ALK: variants seen among roughly 807,000 people sequenced by gnomAD.
ALK encodes the protein ALK receptor tyrosine kinase.
A neutral mutation model predicts 163.1 loss-of-function variants in ALK; 74 were observed. The ratio of observed to expected loss-of-function variants is 0.45; its 90% confidence interval spans 0.38 to 0.55. The LOEUF (loss-of-function observed/expected upper bound fraction) is 0.55, where lower values mean the gene tolerates loss of function less well. Among genes scored for constraint, ALK ranks in the 20% least tolerant of loss-of-function variants. The pLI is 0.00. For missense variants in ALK, 2,063 were observed against 2,105.3 expected (o/e 0.98, Z 0.39); for synonymous variants, 960 against 843.2 (o/e 1.14, Z -2.40).
intron 1 of ALK, among the ~76,000 whole-genome samples, chr2:29,795,159 A>G (rs1212841708): frequency 6.6e-6 from 1 of 152,010 alleles, no homozygotes; most frequent in Non-Finnish European, 1.5e-5. Context: ...AAGGCTATGA[A>G]CATCAACAGA....
chr2:29,696,997 A>G (rs1449866288), intron 2 of ALK, among the ~76,000 whole-genome samples: 1 of 151,940 alleles, frequency 6.6e-6, no homozygotes, highest in Admixed American at 6.6e-5. Context: ...GGTGCAGCAA[A>G]CCACCATGGC....
In ALK at chr2:29,246,651, C is replaced by G. The variant is rs1181346161; in HGVS notation, c.2204+4454G>C. Among the ~76,000 whole-genome samples, 1 of 152,144 alleles carries G rather than the reference C, an allele frequency of 6.6e-6. No homozygotes were observed. Among genetic ancestry groups the G allele is most frequent in the African/African-American group, 2.4e-5 (1 of 41,424 alleles). ...TCCATGCCAGAGCGTGGATGTAGTC[C>G]CAGCGTTGCACCCGACCCCACATTC... On this transcript the variant is annotated intron_variant, in intron 12 of 28. Coordinates refer to ENST00000389048, the MANE Select transcript of ALK (RefSeq NM_004304.5). This position sits in a 1 kb window ranked among gnomAD's most constrained non-coding sequence, Gnocchi z 4.3.
At chr2:29,557,804 A>G (rs549396775) in intron 3 of ALK, among the ~76,000 whole-genome samples, 3 of 152,300 alleles carry the variant, frequency 2.0e-5, no homozygotes, top group African/African-American at 7.2e-5. Flanking sequence ...AATAATGGAG[A>G]TTGAGATTTT....
chr2:29,817,313 G>T (rs932014553), intron 1 of ALK, among the ~76,000 whole-genome samples: 14 of 152,188 alleles, frequency 9.2e-5, no homozygotes, highest in Non-Finnish European at 1.5e-5. Flanking sequence ...AGCTTTCATG[G>T]ATCTCAGTTT....
chr2:29,838,905 A>G (rs531767528), intron 1 of ALK, among the ~76,000 whole-genome samples: 1 of 152,322 alleles, frequency 6.6e-6, no homozygotes, highest in South Asian at 2.1e-4. Flanking sequence ...TTTTCATGGT[A>G]TATAAATTAT....
chr2:29,456,683 A>G (rs1670964039), intron 4 of ALK, among the ~76,000 whole-genome samples: 1 of 152,178 alleles, frequency 6.6e-6, no homozygotes, highest in African/African-American at 2.4e-5. Context: ...CCTGAACTGT[A>G]CCCTTAAAAT....
chr2:29,323,983 G>A (rs1309091084), intron 6 of ALK, among the ~76,000 whole-genome samples: 2 of 152,322 alleles, frequency 1.3e-5, no homozygotes, highest in Middle Eastern at 6.8e-3. Flanking sequence ...TGTAAAATGT[G>A]TGGAATCTCA....
At chr2:29,781,103 G>T (rs1350094786) in intron 1 of ALK, among the ~76,000 whole-genome samples, 1 of 152,170 alleles carries the variant, frequency 6.6e-6, no homozygotes, top group East Asian at 1.9e-4. Flanking sequence ...TTCAGACATT[G>T]CCCCCAGGGA....
At chr2:29,874,608 C>T (rs1368160128) in intron 1 of ALK, among the ~76,000 whole-genome samples, 8 of 152,134 alleles carry the variant, frequency 5.3e-5, no homozygotes. Flanking sequence ...AATGTCATTT[C>T]TCAATATGCC....
At chr2:29,880,273 A>T (rs1185886920) in intron 1 of ALK, among the ~76,000 whole-genome samples, 1 of 152,176 alleles carries the variant, frequency 6.6e-6, no homozygotes, top group Non-Finnish European at 1.5e-5. Context: ...GGTCCTGGTC[A>T]TATCAGAATT....
intron 1 of ALK, among the ~76,000 whole-genome samples, chr2:29,795,997 C>T (rs1558491812): frequency 6.6e-6 from 1 of 150,576 alleles, no homozygotes; most frequent in Non-Finnish European, 1.5e-5. Flanking sequence ...CCTTCCTAAT[C>T]TCTCTCTATG....
Position 29,819,702 on chromosome 2 carries a change from T to C in ALK, c.667+100291A>G, listed in dbSNP as rs545265621. 3.9e-5 allele frequency among the ~76,000 whole-genome samples: 6 copies of C among 152,364 alleles called. No individual in the cohort carries two copies. In the East Asian group the frequency reaches 9.6e-4, roughly 24 times the overall value. On this transcript the variant is annotated intron_variant, in intron 1 of 28. Transcript: ENST00000389048. ...AACAAGTAAACTCAGAGCTGTTGCA[T>C]GTGTTTTTTTGTTTGTTTTTGTTCT...
At chr2:29,478,491 G>GCCTTCTTTCCACGACTCCT (rs1449529152) in intron 4 of ALK, among the ~76,000 whole-genome samples, 14 of 152,186 alleles carry the variant, frequency 9.2e-5, no homozygotes, top group Non-Finnish European at 2.1e-4. Flanking sequence ...CTCCCTGGTG[G>GCCTTCTTTCCACGACTCCT]CCTTCTTTCC....
intron 23 of ALK, among the ~76,000 whole-genome samples, chr2:29,216,425 A>AGAT (rs998790947): frequency 2.6e-5 from 4 of 152,080 alleles, no homozygotes; most frequent in African/African-American, 9.7e-5. Flanking sequence ...CGAGGGCCAT[A>AGAT]GATGTCTCGG....
chr2:29,352,866 C>G lies in ALK; in HGVS notation c.1283-24385G>C, dbSNP rs571580355. On this transcript the variant is annotated intron_variant, in intron 5 of 28. Coordinates refer to ENST00000389048, the MANE Select transcript of ALK (RefSeq NM_004304.5). ...ATTATGACAGTGAAAGAGATCTGAC[C>G]TGATTCCATTTTGCTTCTAACCTAC... 8.5e-5 allele frequency among the ~76,000 whole-genome samples: 13 copies of G among 152,304 alleles called. No individual in the cohort carries two copies. In the South Asian group the frequency reaches 1.2e-3, roughly 15 times the overall value.
At chr2:29,905,574 G>T (rs923008633) in intron 1 of ALK, among the ~76,000 whole-genome samples, 1 of 151,308 alleles carries the variant, frequency 6.6e-6, no homozygotes. Flanking sequence ...GGAAAGGGAA[G>T]GGAAGGGGCA....
rs192083644 is a variant in ALK, at chr2:29,814,129, T to C, written c.668-96432A>G. Among the ~76,000 whole-genome samples, 27 of 152,206 alleles carry C rather than the reference T, an allele frequency of 1.8e-4. 2 individuals are homozygous for C. The highest frequency in any genetic ancestry group is 5.3e-4 in the African/African-American group (22 of 41,540). The stretch of plus-strand genomic sequence containing the variant: ...GAAAATAACAAAAATAGCTAATACT[T>C]TGAGCACTCTGCAAATGTTAACAGC... On this transcript the variant is annotated intron_variant, in intron 1 of 28. Transcript: ENST00000389048.
intron 1 of ALK, among the ~76,000 whole-genome samples, chr2:29,783,898 T>C (rs6753491): frequency 0.067 from 10,223 of 152,208 alleles, 849 homozygotes; most frequent in African/African-American, 0.19. Context: ...TTCCACCAAG[T>C]GGCAGTCGTG....
At chr2:29,620,552 G>C (rs183594221) in intron 3 of ALK, among the ~76,000 whole-genome samples, 1 of 151,876 alleles carries the variant, frequency 6.6e-6, no homozygotes, top group Admixed American at 6.6e-5. Flanking sequence ...CTGAAGATGC[G>C]AACACGGAGT....
Sources: gnomAD v4.1 joint callset for allele counts (sites outside exome capture counted in the v4.1 genomes callset) on GRCh38, gnomAD v4.1.1 for gene constraint, Gnocchi (gnomAD v3.1) non-coding constraint, MANE v1.5 for transcripts, NCBI Gene and HGNC (gene_info 2026-07-23, HGNC 2026-07-21) for gene names.